OBSL1: variants seen among roughly 807,000 people sequenced by gnomAD.
OBSL1 encodes the protein obscurin like cytoskeletal adaptor 1, also known as obscurin-like protein 1.
A neutral mutation model predicts 172.0 loss-of-function variants in OBSL1; 160 were observed. The observed-to-expected ratio is 0.93, with a 90% CI of 0.82 to 1.06. The LOEUF is 1.06. OBSL1 is among the 50% of genes least tolerant of loss of function. The pLI is 0.00. For synonymous variants in OBSL1, 1,200 were observed against 1,196.3 expected, an observed-to-expected ratio of 1.00 and a Z score of -0.06; for missense variants, 2,681 against 2,715.4, an observed-to-expected ratio of 0.99 and a Z score of 0.28.
rs952499441 is a variant in OBSL1, at chr2:219,567,597, G to A, written c.1535-22C>T. 2.5e-6 allele frequency: 4 copies of A among 1,599,984 alleles called. No homozygotes were observed. In the African/African-American group the frequency reaches 4.0e-5, roughly 16 times the overall value. Reference sequence around the variant, plus strand: ...ACACCTGAGACCAAGGCAGGGATGTGTTCCGGCCTTGCTTGGGCCTCCACA... The same window carrying A: ...ACACCTGAGACCAAGGCAGGGATGTATTCCGGCCTTGCTTGGGCCTCCACA... On this transcript the variant is annotated intron_variant, in intron 3 of 20. Coordinates refer to ENST00000404537, the MANE Select transcript of OBSL1 (RefSeq NM_015311.3).
intron 8 of OBSL1, 72 bp from the exon 9 acceptor site, chr2:219,559,569 A>G: frequency 1.4e-6 from 2 of 1,395,508 alleles, no homozygotes; most frequent in African/African-American, 1.4e-5. Context: ...CGGCAGCATG[A>G]AGTCCCTATC....
chr2:219,549,267 G>T (rs1327949293), downstream of OBSL1: 1 of 1,613,956 alleles, frequency 6.2e-7, no homozygotes, highest in Non-Finnish European at 8.5e-7. Flanking sequence ...GAGGTCCCCG[G>T]GCTCCTCCCA....
At chr2:219,547,680 G>T, downstream of OBSL1, 1 of 1,551,616 alleles carries the variant, frequency 6.4e-7, no homozygotes. Flanking sequence ...ATGCTAGTGC[G>T]CAGCGTGGGC....
chr2:219,558,371 C>T lies in OBSL1; in HGVS notation c.3315G>A (p.Val1105=), dbSNP rs1696195029. Residue 1105 remains valine, a synonymous_variant, in exon 10 of 21, where the codon GTG becomes GTA. Transcript: ENST00000404537. ...AGCGCACCTGAGACCCAGCTGGGGC[C>T]ACCTCACAGCGCAGCTCCACGCGCC... ...APGRVELRCE[V]APAGSQVRWY... 1.9e-6 allele frequency: 3 copies of T among 1,611,266 alleles called. No homozygotes were observed. Among genetic ancestry groups the T allele is most frequent in the Non-Finnish European group, 2.5e-6 (3 of 1,179,290 alleles).
downstream of OBSL1, chr2:219,549,042 G>C (rs1695463810): frequency 4.0e-6 from 5 of 1,249,660 alleles, no homozygotes; most frequent in Non-Finnish European, 5.7e-6. Flanking sequence ...AGGGGTTATG[G>C]ACAAGAGGAA....
At chr2:219,549,879 C>T, downstream of OBSL1, 1 of 1,600,304 alleles carries the variant, frequency 6.2e-7, no homozygotes, top group East Asian at 2.2e-5. Flanking sequence ...CTAGACTCTG[C>T]AGTCACCAGC....
Position 219,571,245 on chromosome 2 carries a change from C to T in OBSL1, c.-13G>A, listed in dbSNP as rs916698070. 2 of 1,297,488 alleles carry T rather than the reference C, an allele frequency of 1.5e-6. No homozygotes were observed. Among genetic ancestry groups the T allele is most frequent in the African/African-American group, 3.0e-5 (2 of 65,634 alleles). 80.4% of individuals were successfully genotyped at this position (1,297,488 alleles called of 1,614,324 possible). Reference sequence around the variant, plus strand: ...AGCTCGCCTTCATCGCGGCGGCCGACCGCCTGCAGCGGCGAACGGTGGGGG... The same window carrying T: ...AGCTCGCCTTCATCGCGGCGGCCGATCGCCTGCAGCGGCGAACGGTGGGGG... On this transcript the variant is annotated 5_prime_UTR_variant, in exon 1 of 21. Coordinates refer to ENST00000404537, the MANE Select transcript of OBSL1 (RefSeq NM_015311.3).
At position 219,552,161 on chromosome 2, in the gene OBSL1, G is replaced by T. The variant is rs774770908; in HGVS notation, c.5364C>A (p.Val1788=). ...ACTGGGCGGGCCCCGCCTGGAAGCG[G>T]ACTTCACCGGCGTCCTCGGCGCGCA... ...SELRAEDAGE[V]RFQAGPAQSL... Residue 1788 remains valine (V), a synonymous_variant, in exon 19 of 21, where the codon GTC becomes GTA. Transcript: ENST00000404537. 1.2e-6 allele frequency: 2 copies of T among 1,611,738 alleles called. No individual in the cohort carries two copies. Among genetic ancestry groups the T allele is most frequent in the Non-Finnish European group, 1.7e-6 (2 of 1,179,310 alleles).
In OBSL1 at chr2:219,552,600, C is replaced by T; in HGVS notation, c.5244G>A (p.Thr1748=). 1.3e-6 allele frequency: 2 copies of T among 1,581,732 alleles called. No individual in the cohort carries two copies. The highest frequency in any genetic ancestry group is 1.1e-5 in the South Asian group (1 of 87,778). ...FECTVSEVET[T]GRWELGGRPL... Reference sequence around the variant, plus strand: ...GGCGGCCTCCGAGCTCCCAGCGCCCCGTGGTCTCGACCTCCGACACGGTGC... The same window carrying T: ...GGCGGCCTCCGAGCTCCCAGCGCCCTGTGGTCTCGACCTCCGACACGGTGC... The change falls in exon 18 of 21, where the codon ACG becomes ACA. Residue 1748 remains threonine, a synonymous_variant. Coordinates refer to ENST00000404537, the MANE Select transcript of OBSL1 (RefSeq NM_015311.3).
Position 219,556,660 on chromosome 2 carries a change from G to C in OBSL1, c.4130C>G (p.Ala1377Gly). Residue 1377 changes from alanine (A) to glycine (G), a missense_variant, in exon 13 of 21, where the codon GCC (alanine) becomes GGC (glycine). By Grantham distance (60) the Ala-to-Gly change is moderately conservative. This residue lies in a region of OBSL1 where 1,765 missense variants were observed against 1,748.3 expected (regional missense o/e 1.01). Transcript: ENST00000404537. ...TPLTVHEGDD[A>G]TFRCEVSPPD... is the part of the protein sequence containing the mutation. ...TGGGGAGACTTCACACCGGAACGTG[G>C]CATCATCGCCCTCGTGGACAGTGAG... 6.2e-7 allele frequency: 1 copy of C among 1,612,684 alleles called. No individual in the cohort carries two copies. Among genetic ancestry groups the C allele is most frequent in the South Asian group, 1.1e-5 (1 of 91,056 alleles).
chr2:219,554,205 G>T (rs1463530160), intron 15 of OBSL1: 2 of 550,104 alleles, frequency 3.6e-6, no homozygotes, highest in Non-Finnish European at 6.5e-6. Flanking sequence ...GCAGACAGCA[G>T]TGACCACAAT....
chr2:219,567,690 G>A (rs1225991522), intron 3 of OBSL1, 28 bp downstream of exon 3: 3 of 1,598,296 alleles, frequency 1.9e-6, no homozygotes, highest in Non-Finnish European at 2.6e-6. Context: ...GCCCTGCCTC[G>A]CCTGTCCAGA....
chr2:219,563,727 T>G lies in OBSL1; in HGVS notation c.2408-100A>C, dbSNP rs1013782288. 4 of 1,339,054 alleles carry G rather than the reference T, an allele frequency of 3.0e-6. No homozygotes were observed. The Admixed American group carries it at 5.7e-5, about 19-fold the overall frequency. The allele number at this position is 1,339,054 out of a possible 1,614,324, so 82.9% of individuals were successfully genotyped here. A position where few individuals can be genotyped will look rare whatever the true frequency, so the allele number is the denominator to read the frequency against. Reference sequence around the variant, plus strand: ...ACACTGTTTCTGCACAAGAGGACACTGGAGGAGGGCTAAGGTCCTGCTGTG... The same window carrying G: ...ACACTGTTTCTGCACAAGAGGACACGGGAGGAGGGCTAAGGTCCTGCTGTG... On this transcript the variant is annotated intron_variant, in intron 6 of 20. Coordinates refer to ENST00000404537, the MANE Select transcript of OBSL1 (RefSeq NM_015311.3).
At position 219,562,068 on chromosome 2, in the gene OBSL1, G is replaced by C. The variant is rs996794169; in HGVS notation, c.2953+334C>G. On this transcript the variant is annotated intron_variant, in intron 8 of 20. Coordinates refer to ENST00000404537, the MANE Select transcript of OBSL1 (RefSeq NM_015311.3). ...CAGGGCCCCAGGACTACCCGTTTGC[G>C]ACCCCTGGTTAACAGCTGCCTCCTC... 9.9e-6 allele frequency: 7 copies of C among 708,102 alleles called. No individual in the cohort carries two copies. The South Asian group carries it at 1.0e-4, about 11-fold the overall frequency. The allele number at this position is 708,102 out of a possible 1,614,324, so 43.9% of individuals were successfully genotyped here. A position where few individuals can be genotyped will look rare whatever the true frequency, so the allele number is the denominator to read the frequency against.
At chr2:219,550,630 A>C, downstream of OBSL1, 1 of 611,144 alleles carries the variant, frequency 1.6e-6, no homozygotes, top group Non-Finnish European at 2.8e-6. Context: ...TTCATGGGCC[A>C]GGTACAAGCA....
At chr2:219,558,533 A>G (rs1696214872) in intron 9 of OBSL1, 74 bp from the exon 10 acceptor site, 3 of 1,454,942 alleles carry the variant, frequency 2.1e-6, no homozygotes, top group South Asian at 1.4e-5. Flanking sequence ...CCAGATCCTC[A>G]GCCCTCCCCA....
At chr2:219,550,112 CGTGTGTCT>C (rs1559129417), downstream of OBSL1, 5 of 459,708 alleles carry the variant, frequency 1.1e-5, no homozygotes, top group South Asian at 3.9e-5. Flanking sequence ...GTGTGTTGCC[CGTGTGTCT>C]GTGTGTATGT....
In OBSL1 at chr2:219,570,329, A is replaced by G. The variant is rs1428709043; in HGVS notation, c.904T>C (p.Phe302Leu). ...TGGCAGTAAAGCACCTTGAGCACGA[A>G]GCCGCCGTCGCGGTCGCGGTACATG... ...RLMYRDRDGG[F>L]VLKVLYCQAK... is the part of the protein sequence containing the mutation. The change falls in exon 1 of 21, where the codon TTC becomes CTC. Residue 302 changes from phenylalanine to leucine, a missense_variant. By Grantham distance (22) the Phe-to-Leu change is conservative (BLOSUM62 0). Transcript: ENST00000404537. 6.2e-7 allele frequency: 1 copy of G among 1,612,048 alleles called. No homozygotes were observed. The highest frequency in any genetic ancestry group is 1.3e-5 in the African/African-American group (1 of 74,888).
rs1414879029 is a variant in OBSL1, at chr2:219,551,746, C to T, written c.5466G>A (p.Val1822=). The T allele has an allele frequency of 3.1e-6, 5 of 1,600,168 alleles. No homozygotes were observed. In the East Asian group the frequency reaches 1.1e-4, roughly 36 times the overall value. The stretch of plus-strand genomic sequence containing the variant: ...TCACCTCCAGCACCGCCCGGCGGCC[C>T]ACCAGAACGGTCTTCTCGCGAGGGG... ...RHPPREKTVL[V]GRRAVLEVTV... is the part of the protein sequence containing the mutation. Residue 1822 remains valine, a synonymous_variant, in exon 20 of 21, where the codon GTG becomes GTA. Transcript: ENST00000404537.
Sources: gnomAD v4.1 joint callset for allele counts on GRCh38, gnomAD v4.1.1 for gene constraint, gnomAD v4.1.1 regional missense constraint, MANE v1.5 for transcripts, NCBI Gene and HGNC (gene_info 2026-07-23, HGNC 2026-07-21) for gene names.